The following NAV2 variants were observed in gnomAD, a reference collection of about 807,000 sequenced individuals.
NAV2 encodes the protein neuron navigator 2.
A neutral mutation model predicts 223.2 loss-of-function variants in NAV2; 54 were observed. That is an observed-to-expected ratio of 0.24 (90% CI 0.19 to 0.30). The LOEUF is 0.30. NAV2 is among the 10% of genes least tolerant of loss of function. The probability of loss-of-function intolerance (pLI) is 1.00; values close to 1 mark genes in which losing one functional copy is unlikely to be tolerated. For synonymous variants in NAV2, 1,279 were observed against 1,239.3 expected, an observed-to-expected ratio of 1.03 and a Z score of -0.67; for missense variants, 2,806 against 3,147.5, an observed-to-expected ratio of 0.89 and a Z score of 2.60.
At chr11:19,351,739 G>A (rs1036134085) in intron 1 of NAV2, among the ~76,000 whole-genome samples, 32 of 143,448 alleles carry the variant, frequency 2.2e-4, no homozygotes, top group Non-Finnish European at 4.2e-4. Context: ...ATCTCTAGCA[G>A]AGTCCAAATT....
chr11:19,893,377 C>A (rs2041676035), intron 6 of NAV2, among the ~76,000 whole-genome samples: 1 of 152,230 alleles, frequency 6.6e-6, no homozygotes, highest in Non-Finnish European at 1.5e-5. Flanking sequence ...GGAAATATGT[C>A]CAGGTCTCCT....
chr11:19,410,785 G>A (rs747727904), intron 1 of NAV2, among the ~76,000 whole-genome samples: 17 of 152,192 alleles, frequency 1.1e-4, no homozygotes, highest in Non-Finnish European at 1.2e-4. Flanking sequence ...GCAGGCTGGT[G>A]TATATACTTG....
At chr11:19,721,015 A>G (rs534067570) in intron 1 of NAV2, among the ~76,000 whole-genome samples, 1 of 152,382 alleles carries the variant, frequency 6.6e-6, no homozygotes, top group East Asian at 1.9e-4. Context: ...CACTTTAGGT[A>G]GCCCTTGAGG....
At chr11:19,433,051 A>C (rs1851091065) in intron 1 of NAV2, among the ~76,000 whole-genome samples, 1 of 152,164 alleles carries the variant, frequency 6.6e-6, no homozygotes, top group Non-Finnish European at 1.5e-5. Flanking sequence ...GTATGTTCTG[A>C]GGAAGAGTCC....
rs138438980 is a variant in NAV2, at chr11:19,765,250, T to C, written c.267+51288T>C. Among the ~76,000 whole-genome samples, 346 of 152,358 alleles carry C rather than the reference T, an allele frequency of 2.3e-3. 2 individuals carry two copies. The highest frequency in any genetic ancestry group is 7.6e-3 in the African/African-American group (314 of 41,588). On this transcript the variant is annotated intron_variant, in intron 1 of 37. Transcript: ENST00000349880. ...CTATATGAGAGATAAGCAAACTTTT[T>C]CTGTAAAAAGCCAGATAGTAAATAT...
At chr11:19,890,598 T>C (rs2041424721) in intron 5 of NAV2, among the ~76,000 whole-genome samples, 1 of 152,246 alleles carries the variant, frequency 6.6e-6, no homozygotes, top group African/African-American at 2.4e-5. Context: ...TCTGTGGGCA[T>C]AATGATTCCC....
chr11:20,073,820 TTTCTC>T (rs751029698), intron 22 of NAV2, among the ~76,000 whole-genome samples: 22 of 152,198 alleles, frequency 1.4e-4, no homozygotes, highest in Non-Finnish European at 2.1e-4. Flanking sequence ...ATTTGATTCT[TTTCTC>T]TTTTCTTCTG....
rs1491332324 is a variant in NAV2 at position 19,977,995 on chromosome 11, GGT to G, written c.2646-6129_2646-6128del. Among the ~76,000 whole-genome samples the G allele has an allele frequency of 1.3e-3, 172 of 132,446 alleles. 1 individual carries two copies. The highest frequency in any genetic ancestry group is 4.4e-3 in the African/African-American group (164 of 37,122). The allele number at this position is 132,446 out of a possible 152,430, so 86.9% of individuals were successfully genotyped here. ...CATTTTGTTTTTTTTTGTTTTTTTT[GGT>G]TTTTTTTAGTAGAAACGGGGTTTCA... On this transcript the variant is annotated intron_variant, in intron 10 of 37. Coordinates refer to ENST00000349880, the MANE Select transcript of NAV2 (RefSeq NM_145117.5).
intron 1 of NAV2, among the ~76,000 whole-genome samples, chr11:19,391,903 A>C (rs1428047860): frequency 6.6e-6 from 1 of 152,212 alleles, no homozygotes; most frequent in Admixed American, 6.5e-5. Context: ...GCAGGGATTA[A>C]CCAGCTCTCC....
intron 25 of NAV2, among the ~76,000 whole-genome samples, chr11:20,082,118 A>T (rs2060130202): frequency 6.6e-6 from 1 of 152,184 alleles, no homozygotes; most frequent in South Asian, 2.1e-4. Context: ...TGCTTATTAG[A>T]TTATCTTCTT....
intron 1 of NAV2, among the ~76,000 whole-genome samples, chr11:19,457,103 A>C (rs1245762790): frequency 6.6e-6 from 1 of 152,228 alleles, no homozygotes; most frequent in Non-Finnish European, 1.5e-5. Flanking sequence ...TCAGGGATAC[A>C]GGGATAAGTG....
At chr11:19,490,107 T>C (rs2042575589) in intron 1 of NAV2, among the ~76,000 whole-genome samples, 1 of 152,248 alleles carries the variant, frequency 6.6e-6, no homozygotes, top group Non-Finnish European at 1.5e-5. Context: ...AATTGTCAAA[T>C]ACTTTATTGC....
intron 31 of NAV2, 105 bp downstream of exon 31, chr11:20,097,850 G>A (rs2061382221): frequency 1.9e-6 from 2 of 1,047,464 alleles, no homozygotes; most frequent in East Asian, 5.1e-5. Flanking sequence ...GCATGTATTT[G>A]TGGGCTGCTT....
chr11:19,567,812 A>G (rs1024826947), intron 1 of NAV2, among the ~76,000 whole-genome samples: 4 of 152,140 alleles, frequency 2.6e-5, no homozygotes, highest in Non-Finnish European at 5.9e-5. Flanking sequence ...TCCTCCAGGA[A>G]CCTACTCACA....
chr11:19,482,749 C>T (rs2632025), intron 1 of NAV2, among the ~76,000 whole-genome samples: 1,765 of 152,320 alleles, frequency 0.012, 30 homozygotes, highest in African/African-American at 0.04. Flanking sequence ...ACCTGAGCAA[C>T]GCCCAACATA....
At chr11:20,057,540 A>T (rs1359298998) in intron 19 of NAV2, among the ~76,000 whole-genome samples, 2 of 152,180 alleles carry the variant, frequency 1.3e-5, no homozygotes, top group Non-Finnish European at 2.9e-5. Context: ...GATAGTAGAG[A>T]ATATATTGTG....
rs114373942 is a variant in NAV2, at chr11:19,501,812, G to A, written c.75+150785G>A. On this transcript the variant is annotated intron_variant, in intron 1 of 37. Coordinates refer to the NAV2 transcript ENST00000360655. ...TGACTTCATGAATAAGAAATGAGCC[G>A]GCGTCTCTTCTTTCCACAGGCAATA... 3.2e-3 allele frequency among the ~76,000 whole-genome samples: 482 copies of A among 152,078 alleles called. 2 individuals carry two copies. Among genetic ancestry groups the A allele is most frequent in the African/African-American group, 0.011 (443 of 41,458 alleles).
intron 1 of NAV2, among the ~76,000 whole-genome samples, chr11:19,364,940 G>T (rs574010777): frequency 1.3e-5 from 2 of 152,134 alleles, no homozygotes; most frequent in East Asian, 3.8e-4. Context: ...TTCGGTTTTC[G>T]TTCGTTCACC....
chr11:19,736,912 C>T (rs1176353820), intron 1 of NAV2, among the ~76,000 whole-genome samples: 1 of 152,232 alleles, frequency 6.6e-6, no homozygotes, highest in African/African-American at 2.4e-5. Context: ...CTGAGGGGCC[C>T]CTACCAGGGG....
Sources: allele counts gnomAD v4.1 joint callset (sites outside exome capture counted in the v4.1 genomes callset), GRCh38; gene constraint gnomAD v4.1.1; transcripts MANE v1.5; gene names NCBI Gene and HGNC (gene_info 2026-07-23, HGNC 2026-07-21).